Variants in METTL4 observed in about 807,000 individuals in gnomAD.
METTL4 encodes N(6)-adenine-specific methyltransferase METTL4.
A neutral mutation model predicts 54.0 loss-of-function variants in METTL4; 40 were observed. The observed-to-expected ratio is 0.74, with a 90% CI of 0.58 to 0.96. The LOEUF is 0.96. Ranked by LOEUF, METTL4 falls within the 50% of genes least tolerant of loss-of-function variation. The probability of loss-of-function intolerance (pLI) is 0.00; values close to 1 mark genes in which losing one functional copy is unlikely to be tolerated. For missense variants in METTL4, 525 were observed against 549.0 expected, an observed-to-expected ratio of 0.96 and a Z score of 0.44; for synonymous variants, 169 against 183.8, an observed-to-expected ratio of 0.92 and a Z score of 0.65.
intron 4 of METTL4, chr18:2,553,867 T>C (rs900979241): frequency 2.6e-5 from 4 of 152,188 alleles, no homozygotes; most frequent in Non-Finnish European, 5.9e-5. Context: ...CATTAATTTG[T>C]TATCCTGTCA....
chr18:2,540,735 C>A (rs182065957), intron 8 of METTL4: 1 of 985,430 alleles, frequency 1.0e-6, no homozygotes, highest in Non-Finnish European at 1.2e-6. Flanking sequence ...TTTCCATTTT[C>A]TTCCCATGAA....
intron 2 of METTL4, among the ~76,000 whole-genome samples, chr18:2,564,071 G>C (rs1233552679): frequency 6.6e-6 from 1 of 152,092 alleles, no homozygotes; most frequent in Non-Finnish European, 1.5e-5. Flanking sequence ...AAACAAAATG[G>C]ATTGTAAAAG....
intron 8 of METTL4, 53 bp downstream of exon 8, chr18:2,544,142 C>CT: frequency 4.2e-6 from 6 of 1,436,216 alleles, no homozygotes; most frequent in Non-Finnish European, 4.8e-6. Flanking sequence ...TAAATGTACA[C>CT]TTTTTTTCAA....
intron 8 of METTL4, among the ~76,000 whole-genome samples, chr18:2,543,850 A>G (rs532572817): frequency 1.3e-5 from 2 of 152,338 alleles, no homozygotes; most frequent in South Asian, 4.1e-4. Flanking sequence ...TTTTAGAACA[A>G]GCAAGGGATA....
In METTL4 at chr18:2,554,865, C is replaced by T. The variant is rs200238339; in HGVS notation, c.633G>A (p.Leu211=). 1.5e-4 allele frequency: 238 copies of T among 1,613,786 alleles called. No homozygotes were observed. The highest frequency in any genetic ancestry group is 1.9e-4 in the Non-Finnish European group (219 of 1,179,900). ...GTAATGTCTGATGTTCCATTTCATT[C>T]AGAGAAGGCAAATGCTTTGCCATTT... ...LCEMAKHLPS[L]NEMEHQTLQL... The change falls in exon 4 of 9, where the codon CTG becomes CTA. Residue 211 remains leucine (L), a synonymous_variant. Transcript: ENST00000574538.
intron 2 of METTL4, 115 bp downstream of exon 2, chr18:2,566,705 TG>T (rs945626632): frequency 1.0e-5 from 8 of 798,506 alleles, no homozygotes; most frequent in Non-Finnish European, 1.4e-5. Context: ...AAAGCCTTTT[TG>T]GGTTTTACTG....
chr18:2,539,734 G>A (rs1290954841), intron 8 of METTL4: 26 of 650,278 alleles, frequency 4.0e-5, no homozygotes, highest in Middle Eastern at 7.8e-4. Context: ...CACTCGCCTC[G>A]GCCTCCCAAA....
chr18:2,542,402 T>G (rs894127264), intron 8 of METTL4, among the ~76,000 whole-genome samples: 1 of 134,802 alleles, frequency 7.4e-6, no homozygotes, highest in Non-Finnish European at 1.5e-5. Context: ...TTCCCCTTCC[T>G]GTTTATTCAC....
Position 2,547,456 on chromosome 18 carries a change from C to A in METTL4, c.973G>T (p.Val325Phe), listed in dbSNP as rs146006617. The A allele has an allele frequency of 3.7e-6, 6 of 1,612,084 alleles. No homozygotes were observed. The highest frequency in any genetic ancestry group is 5.1e-6 in the Non-Finnish European group (6 of 1,178,934). ...PKLAAPNCLL[V>F]TWVTNRQKHL... ...TTCTGTCTATTGGTCACCCAAGTAA[C>A]AAGAAGACAGTTTGGAGCAGCCAAT... The change falls in exon 6 of 9, where the codon GTT becomes TTT. Residue 325 changes from valine (V) to phenylalanine (F), a missense_variant. Physicochemically the swap from Val to Phe is conservative, Grantham distance 50. Transcript: ENST00000574538.
chr18:2,547,157 C>T (rs1454487897), intron 6 of METTL4, among the ~76,000 whole-genome samples, 198 bp downstream of exon 6: 3 of 151,986 alleles, frequency 2.0e-5, no homozygotes, highest in African/African-American at 4.8e-5. Flanking sequence ...CAGTTTGAGG[C>T]CCCATTACAA....
rs1379053465 is a variant in METTL4 at position 2,567,430 on chromosome 18, G to C, written c.-214C>G. 2 of 379,854 alleles carry C rather than the reference G, an allele frequency of 5.3e-6. No individual in the cohort carries two copies. Among genetic ancestry groups the C allele is most frequent in the African/African-American group, 4.2e-5 (2 of 48,050 alleles). 23.5% of individuals were successfully genotyped at this position (379,854 alleles called of 1,614,324 possible). A position where few individuals can be genotyped will look rare whatever the true frequency, so the allele number is the denominator to read the frequency against. ...CAGAAATTCTAAGGAAAATTGCAAT[G>C]TTTTAATATAAACTTTCTTTTTAAT... On this transcript the variant is annotated 5_prime_UTR_variant, in exon 2 of 9. Coordinates refer to ENST00000574538, the MANE Select transcript of METTL4 (RefSeq NM_022840.5).
rs2143452634 is a variant in METTL4 at position 2,538,905 on chromosome 18, A to T, written c.*95T>A. 2.9e-6 allele frequency: 4 copies of T among 1,367,944 alleles called. No individual in the cohort carries two copies. Among genetic ancestry groups the T allele is most frequent in the Non-Finnish European group, 4.0e-6 (4 of 994,128 alleles). 84.7% of individuals were successfully genotyped at this position (1,367,944 alleles called of 1,614,324 possible). Reference sequence around the variant, plus strand: ...AACAAGTCCTGTTTATATTCTAAGAATATGGGTTGGTAACAAAATAAAAAA... The same window carrying T: ...AACAAGTCCTGTTTATATTCTAAGATTATGGGTTGGTAACAAAATAAAAAA... On this transcript the variant is annotated 3_prime_UTR_variant, in exon 9 of 9. Transcript: ENST00000574538.
rs61749937 is a variant in METTL4, at chr18:2,554,916, G to A, written c.582C>T (p.Asp194=). 19,366 of 1,613,980 alleles carry A rather than the reference G, an allele frequency of 0.012. 165 individuals carry two copies. The highest frequency in any genetic ancestry group is 0.033 in the African/African-American group (2,484 of 75,000). The change falls in exon 4 of 9, where the codon GAC becomes GAT. Residue 194 remains aspartate (D), a synonymous_variant. Transcript: ENST00000574538. ...KGSKPITLPL[D]ACSLSELCEM... ...CACATAATTCTGACAAACTGCAGGC[G>A]TCAAGTGGTAAAGTAATGGGCTTAC...
intron 3 of METTL4, among the ~76,000 whole-genome samples, chr18:2,555,876 C>T (rs1025435147): frequency 3.3e-5 from 5 of 151,916 alleles, no homozygotes; most frequent in African/African-American, 9.6e-5. Context: ...ACTTCAGATG[C>T]CATGCAGTGT....
chr18:2,565,484 A>G (rs541156452), intron 2 of METTL4, among the ~76,000 whole-genome samples: 1 of 152,354 alleles, frequency 6.6e-6, no homozygotes, highest in South Asian at 2.1e-4. Flanking sequence ...AAACCTATAC[A>G]TGTACCTGTG....
chr18:2,561,505 T>A (rs1217554550), intron 3 of METTL4: 4 of 152,242 alleles, frequency 2.6e-5, no homozygotes, highest in Non-Finnish European at 5.9e-5. Flanking sequence ...ATTTAGAAAT[T>A]TAACTTGATG....
In METTL4 at chr18:2,537,636, AAAGG is replaced by A. The variant is rs1321315005; in HGVS notation, c.*1360_*1363del. ...CCTCTGATACTATACTCACACACTC[AAAGG>A]ATGAACAAACTTCAAAAATAACATA... is the stretch of plus-strand genomic sequence containing the variant. On this transcript the variant is annotated 3_prime_UTR_variant, in exon 9 of 9. Transcript: ENST00000574538. 2.7e-6 allele frequency: 1 copy of A among 363,660 alleles called. No homozygotes were observed. The highest frequency in any genetic ancestry group is 2.1e-5 in the African/African-American group (1 of 47,968). 22.5% of individuals were successfully genotyped at this position (363,660 alleles called of 1,614,324 possible). A position where few individuals can be genotyped will look rare whatever the true frequency, so the allele number is the denominator to read the frequency against.
rs755938301 is a variant in METTL4, at chr18:2,567,019, G to T, written c.198C>A (p.Asp66Glu). Reference protein sequence around the residue: ...SGVCAAFIASDSSTKPENDDG... With the variant: ...SGVCAAFIASESSTKPENDDG... ...CATCATTCTCTGGCTTAGTGGAAGA[G>T]TCAGAAGCAATAAATGCAGCACAGA... Residue 66 changes from aspartate to glutamate, a missense_variant, in exon 2 of 9, where the codon GAC (aspartate) becomes GAA (glutamate). Asp to Glu is a conservative substitution (Grantham distance 45). Coordinates refer to ENST00000574538, the MANE Select transcript of METTL4 (RefSeq NM_022840.5). 2.5e-6 allele frequency: 4 copies of T among 1,614,158 alleles called. No individual in the cohort carries two copies. In the East Asian group the frequency reaches 8.9e-5, roughly 36 times the overall value.
Position 2,554,747 on chromosome 18 carries a change from T to C in METTL4, c.751A>G (p.Met251Val), listed in dbSNP as rs1282347686. ...GGTGGTAGCAGGTATTTCTGTCCCATTAAAGTAATCACTTTTGTAAAGCTA... is the reference window on the plus strand; with the variant it reads ...GGTGGTAGCAGGTATTTCTGTCCCACTAAAGTAATCACTTTTGTAAAGCTA... ...NSSFTKVITL[M>V]GQKYLLPPKS... Residue 251 changes from methionine to valine, a missense_variant, in exon 4 of 9, where the codon ATG becomes GTG. Physicochemically the swap from Met to Val is conservative, Grantham distance 21. Transcript: ENST00000574538. 6.2e-7 allele frequency: 1 copy of C among 1,613,374 alleles called. No individual in the cohort carries two copies. Among genetic ancestry groups the C allele is most frequent in the Non-Finnish European group, 8.5e-7 (1 of 1,179,716 alleles).
Sources: allele counts gnomAD v4.1 joint callset (sites outside exome capture counted in the v4.1 genomes callset), GRCh38; gene constraint gnomAD v4.1.1; transcripts MANE v1.5; gene names NCBI Gene and HGNC (gene_info 2026-07-23, HGNC 2026-07-21).